The following ATP10A variants were observed in gnomAD, a reference collection of about 807,000 sequenced individuals.
ATP10A encodes phospholipid-transporting ATPase VA.
A neutral mutation model predicts 147.8 loss-of-function variants in ATP10A; 111 were observed. The observed-to-expected ratio is 0.75, with a 90% CI of 0.64 to 0.88. The LOEUF (loss-of-function observed/expected upper bound fraction) is 0.88, where lower values mean the gene tolerates loss of function less well. ATP10A is among the 40% of genes least tolerant of loss of function. The probability of loss-of-function intolerance (pLI) is 0.00; values close to 1 mark genes in which losing one functional copy is unlikely to be tolerated. For missense variants in ATP10A, 1,927 were observed against 1,959.0 expected (o/e 0.98, Z 0.31); for synonymous variants, 875 against 841.6 (o/e 1.04, Z -0.69).
At chr15:25,824,677 G>A (rs7177612) in intron 1 of ATP10A, among the ~76,000 whole-genome samples, 93,063 of 151,460 alleles carry the variant, frequency 0.61, 31,538 homozygotes, top group East Asian at 0.81. Flanking sequence ...AGCAGTGAGA[G>A]AGAACAATGG....
intron 2 of ATP10A, among the ~76,000 whole-genome samples, chr15:25,753,605 A>C (rs151335897): frequency 6.6e-6 from 1 of 151,866 alleles, no homozygotes; most frequent in East Asian, 1.9e-4. Flanking sequence ...TCCATTTTTC[A>C]AGACTTCTTG....
intron 5 of ATP10A, among the ~76,000 whole-genome samples, chr15:25,725,568 T>C (rs1902491967): frequency 6.6e-6 from 1 of 152,122 alleles, no homozygotes; most frequent in Non-Finnish European, 1.5e-5. Flanking sequence ...GTTTTAATTT[T>C]TGAGTGCTAG....
chr15:25,714,309 C>G, intron 9 of ATP10A, 68 bp from the exon 10 acceptor site: 1 of 1,456,808 alleles, frequency 6.9e-7, no homozygotes, highest in Non-Finnish European at 9.4e-7. Flanking sequence ...CACCCTGGTT[C>G]CCACAGGATG....
At position 25,862,868 on chromosome 15, in the gene ATP10A, T is replaced by G; in HGVS notation, c.229A>C (p.Lys77Gln). The G allele has an allele frequency of 1.2e-6, 2 of 1,611,820 alleles. No individual in the cohort carries two copies. The highest frequency in any genetic ancestry group is 1.7e-6 in the Non-Finnish European group (2 of 1,179,130). The change falls in exon 1 of 21, where the codon AAG becomes CAG. Residue 77 changes from lysine (K) to glutamine (Q), a missense_variant. Coordinates refer to ENST00000555815, the MANE Select transcript of ATP10A (RefSeq NM_024490.4). ...TKYTLLSFLPKNLFEQFHRPA... is the reference protein window; with the variant it reads ...TKYTLLSFLPQNLFEQFHRPA... ...CGGTGGAACTGCTCGAACAGGTTCT[T>G]GGGCAGGAAGGACAGCAGCGTGTAC...
intron 1 of ATP10A, among the ~76,000 whole-genome samples, chr15:25,856,251 G>C (rs1022295857): frequency 2.6e-5 from 4 of 152,232 alleles, no homozygotes; most frequent in Admixed American, 2.0e-4. Context: ...CTGTTCTCGT[G>C]CTAATGAGTG....
chr15:25,719,937 G>A (rs555304952), intron 7 of ATP10A, among the ~76,000 whole-genome samples: 31 of 152,264 alleles, frequency 2.0e-4, no homozygotes, highest in Admixed American at 5.9e-4. Flanking sequence ...GGCTGATGAC[G>A]CTCCTTGCCT....
chr15:25,722,003 G>T, intron 6 of ATP10A, 94 bp from the exon 7 acceptor site: 1 of 1,363,204 alleles, frequency 7.3e-7, no homozygotes, highest in Non-Finnish European at 1.0e-6. Context: ...GACTACAACC[G>T]CAAGAAAGTA....
At chr15:25,746,858 G>C (rs1010826294) in intron 2 of ATP10A, among the ~76,000 whole-genome samples, 1 of 152,002 alleles carries the variant, frequency 6.6e-6, no homozygotes, top group Non-Finnish European at 1.5e-5. Flanking sequence ...TTTGTGTGTT[G>C]GCATATGACA....
chr15:25,697,287 A>T (rs147492829), intron 13 of ATP10A, among the ~76,000 whole-genome samples: 6 of 152,326 alleles, frequency 3.9e-5, no homozygotes, highest in Non-Finnish European at 8.8e-5. Flanking sequence ...TCACAGCCCA[A>T]ACCCCACAGG....
chr15:25,824,606 GT>G (rs34320931), intron 1 of ATP10A, among the ~76,000 whole-genome samples: 91,417 of 144,680 alleles, frequency 0.63, 31,020 homozygotes, highest in East Asian at 0.82. Flanking sequence ...AATATCCTAT[GT>G]TTAGGAAGTC....
rs35849027 is a variant in ATP10A at position 25,681,175 on chromosome 15, CAAT to C, written c.3493-104_3493-102del. The C allele has an allele frequency of 1.5e-3, 1,402 of 944,138 alleles. 2 individuals are homozygous for C. Among genetic ancestry groups the C allele is most frequent in the Non-Finnish European group, 2.0e-3 (1,310 of 669,768 alleles). 58.5% of individuals were successfully genotyped at this position (944,138 alleles called of 1,614,324 possible). ...GAGTCACTTGTGTTAAAAACAACAACAATAACAACAAAAACCCACCCTGAGGAG... is the reference window on the plus strand; with the variant it reads ...GAGTCACTTGTGTTAAAAACAACAACAACAACAAAAACCCACCCTGAGGAG... On this transcript the variant is annotated intron_variant, in intron 17 of 20. Coordinates refer to ENST00000555815, the MANE Select transcript of ATP10A (RefSeq NM_024490.4).
At position 25,863,042 on chromosome 15, in the gene ATP10A, G is replaced by A; in HGVS notation, c.55C>T (p.Arg19Cys). Residue 19 changes from arginine to cysteine, a missense_variant, in exon 1 of 21, where the codon CGC (arginine) becomes TGC (cysteine). Physicochemically the swap from Arg to Cys is radical, Grantham distance 180 (BLOSUM62 -3). Transcript: ENST00000555815. ...ACCGTGCGCGTCCTGCCCTCTCGGCGCCTCCGCCGTCCCGGAGGCCCGGGC... is the reference window on the plus strand; with the variant it reads ...ACCGTGCGCGTCCTGCCCTCTCGGCACCTCCGCCGTCCCGGAGGCCCGGGC... ...EEPGPPGRRR[R>C]REGRTRTVRS... 2 of 1,266,296 alleles carry A rather than the reference G, an allele frequency of 1.6e-6. No homozygotes were observed. The highest frequency in any genetic ancestry group is 6.6e-5 in the East Asian group (2 of 30,324). The allele number at this position is 1,266,296 out of a possible 1,614,324, so 78.4% of individuals were successfully genotyped here.
chr15:25,698,903 G>A (rs1234529443), intron 13 of ATP10A, among the ~76,000 whole-genome samples: 1 of 152,136 alleles, frequency 6.6e-6, no homozygotes, highest in Non-Finnish European at 1.5e-5. Context: ...TGTATATGAT[G>A]TGTATGCTGA....
intron 1 of ATP10A, among the ~76,000 whole-genome samples, chr15:25,799,467 T>C (rs1890836288): frequency 6.6e-6 from 1 of 152,144 alleles, no homozygotes; most frequent in Non-Finnish European, 1.5e-5. Flanking sequence ...AACTCAGAGA[T>C]GAACCAAAAT....
chr15:25,781,956 G>T (rs1178789969), intron 1 of ATP10A, among the ~76,000 whole-genome samples: 1 of 151,914 alleles, frequency 6.6e-6, no homozygotes, highest in Non-Finnish European at 1.5e-5. Context: ...CCATTCCTAG[G>T]TCTACACTCA....
At chr15:25,737,161 T>G (rs1887336011) in intron 2 of ATP10A, among the ~76,000 whole-genome samples, 1 of 152,248 alleles carries the variant, frequency 6.6e-6, no homozygotes, top group African/African-American at 2.4e-5. Flanking sequence ...AGGCTCTTCT[T>G]GGAGTGTAAT....
At chr15:25,802,301 T>C (rs1890974301) in intron 1 of ATP10A, among the ~76,000 whole-genome samples, 1 of 152,172 alleles carries the variant, frequency 6.6e-6, no homozygotes, top group African/African-American at 2.4e-5. Flanking sequence ...CTTGCAAACC[T>C]TGAGGACCAT....
At chr15:25,677,917 G>T (rs1030314314), downstream of ATP10A, 1 of 152,422 alleles carries the variant, frequency 6.6e-6, no homozygotes, top group Admixed American at 6.5e-5. Context: ...AGGAAACCAG[G>T]ACTCTGTTTG....
rs534263416 is a variant in ATP10A, at chr15:25,707,850, C to T, written c.2575+126G>A. ...CCTCCCGCCTCGGCTGTGCCAGCGT[C>T]CTGCCAGGTGGCTCCCTAACCAAGG... On this transcript the variant is annotated intron_variant, in intron 12 of 20. Coordinates refer to ENST00000555815, the MANE Select transcript of ATP10A (RefSeq NM_024490.4). 58 of 1,351,852 alleles carry T rather than the reference C, an allele frequency of 4.3e-5. No homozygotes were observed. The African/African-American group carries it at 7.7e-4, about 18-fold the overall frequency. 83.7% of individuals were successfully genotyped at this position (1,351,852 alleles called of 1,614,324 possible). A position where few individuals can be genotyped will look rare whatever the true frequency, so the allele number is the denominator to read the frequency against.
Sources: gnomAD v4.1 joint callset for allele counts (sites outside exome capture counted in the v4.1 genomes callset) on GRCh38, gnomAD v4.1.1 for gene constraint, MANE v1.5 for transcripts, NCBI Gene and HGNC (gene_info 2026-07-23, HGNC 2026-07-21) for gene names.